Variants in TIMM23B observed in about 807,000 individuals in gnomAD.
TIMM23B encodes translocase of inner mitochondrial membrane 23 homolog B, also known as mitochondrial import inner membrane translocase subunit Tim23B.
TIMM23B carries 27 observed loss-of-function variants against 27.3 expected under a neutral mutation model. The ratio of observed to expected loss-of-function variants is 0.99; its 90% CI spans 0.73 to 1.36. TIMM23B has a LOEUF of 1.36. TIMM23B is among the 40% of genes most tolerant of loss of function. TIMM23B has a pLI of 0.00. For synonymous variants in TIMM23B, 73 were observed against 92.4 expected (o/e 0.79, Z 1.21); for missense variants, 205 against 244.2 (o/e 0.84, Z 1.07).
chr10:49,959,319 GAC>G (rs1374960246), intron 6 of TIMM23B, among the ~76,000 whole-genome samples: 3 of 152,110 alleles, frequency 2.0e-5, no homozygotes, highest in African/African-American at 7.2e-5. Context: ...ACTATCACAA[GAC>G]ACACACAAGG....
At chr10:49,950,518 CTT>C (rs1222407465) in intron 2 of TIMM23B, among the ~76,000 whole-genome samples, 1 of 128,028 alleles carries the variant, frequency 7.8e-6, no homozygotes, top group Admixed American at 7.9e-5. Context: ...TCATCACAGC[CTT>C]TTTTTTTTTT....
intron 4 of TIMM23B, among the ~76,000 whole-genome samples, chr10:49,953,600 C>T (rs1839612880): frequency 6.6e-6 from 1 of 152,178 alleles, no homozygotes; most frequent in African/African-American, 2.4e-5. Flanking sequence ...CTTGCCTCAG[C>T]CTTCCAAACT....
chr10:49,955,868 G>T (rs1354435884), intron 5 of TIMM23B, among the ~76,000 whole-genome samples: 2 of 152,160 alleles, frequency 1.3e-5, no homozygotes, highest in Non-Finnish European at 2.9e-5. Context: ...GATCCTAAGA[G>T]ATGGCTGCTT....
At chr10:49,972,107 T>C (rs1370552861) in intron 6 of TIMM23B, among the ~76,000 whole-genome samples, 1 of 152,232 alleles carries the variant, frequency 6.6e-6, no homozygotes, top group Non-Finnish European at 1.5e-5. Flanking sequence ...ATATGTAATA[T>C]AGTATTTTAC....
At chr10:49,955,324 C>T (rs1363855615) in intron 5 of TIMM23B, among the ~76,000 whole-genome samples, 1 of 152,108 alleles carries the variant, frequency 6.6e-6, no homozygotes, top group Non-Finnish European at 1.5e-5. Context: ...AGCACAACAC[C>T]CAATAAAATC....
intron 3 of TIMM23B, 30 bp downstream of exon 3, chr10:49,952,249 T>C (rs1564680917): frequency 1.3e-6 from 2 of 1,584,234 alleles, no homozygotes; most frequent in Admixed American, 1.7e-5. Flanking sequence ...TTCTCAAGAG[T>C]GCTCAGTTCA....
intron 2 of TIMM23B, among the ~76,000 whole-genome samples, chr10:49,949,134 G>T (rs1839442080): frequency 6.7e-6 from 1 of 148,578 alleles, no homozygotes; most frequent in African/African-American, 2.5e-5. Context: ...CTGGCCTCAA[G>T]TGGTCCTTCT....
At chr10:49,957,483 TG>T (rs1839765923) in intron 5 of TIMM23B, among the ~76,000 whole-genome samples, 1 of 152,126 alleles carries the variant, frequency 6.6e-6, no homozygotes, top group Non-Finnish European at 1.5e-5. Context: ...CTCTGACTCC[TG>T]GGCTTATGTG....
At chr10:49,942,336 T>A (rs1465802736) in intron 1 of TIMM23B, 36 bp downstream of exon 1, 2 of 1,587,320 alleles carry the variant, frequency 1.3e-6, no homozygotes, top group African/African-American at 1.3e-5. Context: ...TATTTCTGAC[T>A]GGTTCTTGCG....
At chr10:49,970,114 A>C (rs1334223091) in intron 6 of TIMM23B, 5 of 156,454 alleles carry the variant, frequency 3.2e-5, no homozygotes, top group African/African-American at 9.7e-5. Context: ...CCCAGGCTGG[A>C]GTGCAGTGGC....
intron 2 of TIMM23B, among the ~76,000 whole-genome samples, chr10:49,948,777 T>G (rs1457684771): frequency 2.6e-5 from 4 of 152,372 alleles, no homozygotes; most frequent in African/African-American, 9.6e-5. Context: ...TTAAAATTTA[T>G]TGTAGTCTTG....
At chr10:49,967,934 ATAAT>A (rs1250143307) in intron 6 of TIMM23B, among the ~76,000 whole-genome samples, 2 of 151,380 alleles carry the variant, frequency 1.3e-5, no homozygotes, top group African/African-American at 4.9e-5. Context: ...GCCACTCTGC[ATAAT>A]TAGTGTACCT....
intron 2 of TIMM23B, among the ~76,000 whole-genome samples, chr10:49,951,211 A>C (rs1480118931): frequency 1.3e-5 from 2 of 152,214 alleles, no homozygotes; most frequent in African/African-American, 4.8e-5. Flanking sequence ...TCTGATTAGG[A>C]ATACAGTTTT....
At chr10:49,961,406 GA>G (rs1214132853) in intron 6 of TIMM23B, among the ~76,000 whole-genome samples, 11 of 149,206 alleles carry the variant, frequency 7.4e-5, no homozygotes, top group Admixed American at 4.7e-4. Context: ...AAAAAGAAAA[GA>G]AAAAAAATAA....
intron 1 of TIMM23B, among the ~76,000 whole-genome samples, chr10:49,943,999 T>C (rs1351696334): frequency 6.6e-6 from 1 of 152,034 alleles, no homozygotes; most frequent in African/African-American, 2.4e-5. Context: ...TCCAGGAAAA[T>C]AGCTAGTGCA....
chr10:49,957,085 T>C (rs2133075351), intron 5 of TIMM23B, among the ~76,000 whole-genome samples: 1 of 151,568 alleles, frequency 6.6e-6, no homozygotes, highest in East Asian at 1.9e-4. Context: ...AGCCCCACTT[T>C]GGATACTTCT....
chr10:49,964,454 CAAATGAAATGATG>C (rs1159108663), intron 6 of TIMM23B, among the ~76,000 whole-genome samples: 2 of 132,734 alleles, frequency 1.5e-5, no homozygotes, highest in East Asian at 2.4e-4. Flanking sequence ...ATGAAATGAT[CAAATGAAATGATG>C]AAATGAAATA....
At chr10:49,952,659 TTTAATC>T (rs1839572640) in intron 4 of TIMM23B, 126 bp downstream of exon 4, 1 of 1,167,862 alleles carries the variant, frequency 8.6e-7, no homozygotes, top group South Asian at 1.6e-5. Context: ...GTCTTTGTTT[TTTAATC>T]TTAATCAAAA....
intron 6 of TIMM23B, among the ~76,000 whole-genome samples, chr10:49,972,156 G>A (rs1484808580): frequency 1.3e-5 from 2 of 152,228 alleles, no homozygotes; most frequent in African/African-American, 2.4e-5. Context: ...GGCCGAAGAA[G>A]TATTATTTTT....
Sources: allele counts gnomAD v4.1 joint callset (sites outside exome capture counted in the v4.1 genomes callset), GRCh38; gene constraint gnomAD v4.1.1; transcripts MANE v1.5; gene names NCBI Gene and HGNC (gene_info 2026-07-23, HGNC 2026-07-21).